The following PXDNL variants were observed in gnomAD, a reference collection of about 807,000 sequenced individuals.
PXDNL encodes peroxidasin like.
A neutral mutation model predicts 150.8 loss-of-function variants in PXDNL; 145 were observed. The observed-to-expected ratio is 0.96, with a 90% CI of 0.84 to 1.10. The LOEUF is 1.10. Ranked by LOEUF, PXDNL falls within the 50% of genes least tolerant of loss-of-function variation. The pLI, the probability that PXDNL is intolerant of heterozygous loss-of-function variation, is 0.00. For missense variants in PXDNL, 2,087 were observed against 1,873.9 expected (o/e 1.11, Z -2.10); for synonymous variants, 757 against 725.7 (o/e 1.04, Z -0.69).
At chr8:51,480,367 C>T (rs745673105) in intron 6 of PXDNL, among the ~76,000 whole-genome samples, 9 of 152,054 alleles carry the variant, frequency 5.9e-5, no homozygotes, top group African/African-American at 1.9e-4. Flanking sequence ...TTACTCATGG[C>T]GGAAGGAGGA....
intron 20 of PXDNL, among the ~76,000 whole-genome samples, chr8:51,341,114 G>C (rs1037566422): frequency 6.6e-6 from 1 of 152,224 alleles, no homozygotes; most frequent in Admixed American, 6.5e-5. Flanking sequence ...TGCTCAGGTA[G>C]ATGGGTGCAG....
At chr8:51,671,584 G>A (rs1815500056) in intron 1 of PXDNL, among the ~76,000 whole-genome samples, 2 of 152,108 alleles carry the variant, frequency 1.3e-5, no homozygotes, top group African/African-American at 4.8e-5. Context: ...TTTACTTACA[G>A]TAAACCGGAA....
chr8:51,456,446 C>T (rs1231853020), intron 9 of PXDNL, among the ~76,000 whole-genome samples: 1 of 152,216 alleles, frequency 6.6e-6, no homozygotes, highest in Non-Finnish European at 1.5e-5. Context: ...TCCGAGGCTG[C>T]TGCTTCAAGT....
chr8:51,603,916 T>A (rs1813782370), intron 2 of PXDNL, among the ~76,000 whole-genome samples: 1 of 152,144 alleles, frequency 6.6e-6, no homozygotes, highest in Admixed American at 6.6e-5. Context: ...GCTCATGCTT[T>A]CTCTTACCAC....
chr8:51,588,574 ATC>A (rs1813376797), intron 3 of PXDNL, among the ~76,000 whole-genome samples: 1 of 152,240 alleles, frequency 6.6e-6, no homozygotes, highest in African/African-American at 2.4e-5. Flanking sequence ...AACATTGAAC[ATC>A]TGTCTTATTC....
At chr8:51,522,088 C>A (rs1257792687) in intron 4 of PXDNL, among the ~76,000 whole-genome samples, 1 of 152,096 alleles carries the variant, frequency 6.6e-6, no homozygotes, top group Non-Finnish European at 1.5e-5. Flanking sequence ...AGAGAATAAT[C>A]TTTTATTTTT....
intron 9 of PXDNL, among the ~76,000 whole-genome samples, chr8:51,455,688 C>A (rs901215507): frequency 2.0e-5 from 3 of 152,132 alleles, no homozygotes; most frequent in Admixed American, 2.0e-4. Flanking sequence ...CTCCTGTGTG[C>A]AGGGTCAGAC....
intron 1 of PXDNL, among the ~76,000 whole-genome samples, chr8:51,706,184 G>T (rs562798555): frequency 1.3e-4 from 20 of 152,236 alleles, no homozygotes; most frequent in African/African-American, 4.6e-4. Context: ...GGTGGAGGGT[G>T]TCTGTAATCC....
At chr8:51,424,963 C>T (rs1022850822) in intron 13 of PXDNL, among the ~76,000 whole-genome samples, 8 of 152,158 alleles carry the variant, frequency 5.3e-5, no homozygotes, top group South Asian at 4.1e-4. Context: ...GGTGAGAGGG[C>T]GGATGAGAGA....
intron 21 of PXDNL, among the ~76,000 whole-genome samples, chr8:51,327,282 C>A (rs924447314): frequency 6.6e-6 from 1 of 152,122 alleles, no homozygotes; most frequent in Non-Finnish European, 1.5e-5. Flanking sequence ...TAATCTAGAC[C>A]AAGCCGCTGT....
At chr8:51,633,490 T>A (rs1814535071) in intron 2 of PXDNL, among the ~76,000 whole-genome samples, 2 of 152,140 alleles carry the variant, frequency 1.3e-5, no homozygotes, top group Admixed American at 1.3e-4. Flanking sequence ...GAGACTGAAC[T>A]AATTTACATT....
Position 51,453,687 on chromosome 8 carries a change from T to A in PXDNL, c.1081A>T (p.Ile361Phe). 6.2e-7 allele frequency: 1 copy of A among 1,614,046 alleles called. No homozygotes were observed. Among genetic ancestry groups the A allele is most frequent in the Middle Eastern group, 1.6e-4 (1 of 6,062 alleles). ...AATCCATTGTCCCTGGTCCAAGTGA[T>A]AAGAGGGTGTGGGTGGCCTGTGGCC... ...CMATGHPHPL[I>F]TWTRDNGLEL... The change falls in exon 10 of 23, where the codon ATC becomes TTC. Residue 361 changes from isoleucine to phenylalanine, a missense_variant. Physicochemically the swap from Ile to Phe is conservative, Grantham distance 21. Coordinates refer to ENST00000356297, the MANE Select transcript of PXDNL (RefSeq NM_144651.5).
intron 4 of PXDNL, among the ~76,000 whole-genome samples, chr8:51,506,434 G>A (rs929930144): frequency 4.6e-5 from 7 of 151,162 alleles, no homozygotes; most frequent in Middle Eastern, 3.2e-3. Context: ...CCAGCTACTC[G>A]GGAGGCTGAG....
rs145201568 is a variant in PXDNL at position 51,394,011 on chromosome 8, A to G, written c.3557+14056T>C. 5.9e-5 allele frequency among the ~76,000 whole-genome samples: 9 copies of G among 152,340 alleles called. 1 individual carries two copies. The highest frequency in any genetic ancestry group is 1.0e-4 in the Non-Finnish European group (7 of 68,030). ...GGCTAAAAGCATCAACTTTGGAATCATATAGATTCAGATTAAAACCTGCAT... is the reference window on the plus strand; with the variant it reads ...GGCTAAAAGCATCAACTTTGGAATCGTATAGATTCAGATTAAAACCTGCAT... On this transcript the variant is annotated intron_variant, in intron 17 of 22. Transcript: ENST00000356297.
intron 1 of PXDNL, among the ~76,000 whole-genome samples, chr8:51,780,257 A>G (rs1477497527): frequency 6.6e-6 from 1 of 152,174 alleles, no homozygotes; most frequent in Non-Finnish European, 1.5e-5. Flanking sequence ...GGACCTGCTG[A>G]TTCCAAACAG....
intron 4 of PXDNL, among the ~76,000 whole-genome samples, chr8:51,552,062 A>C (rs976751498): frequency 1.6e-4 from 25 of 152,230 alleles, no homozygotes; most frequent in African/African-American, 6.0e-4. Flanking sequence ...ATGGCCAACA[A>C]ATATATGAAA....
At chr8:51,659,748 T>G (rs1815227833) in intron 1 of PXDNL, among the ~76,000 whole-genome samples, 1 of 152,072 alleles carries the variant, frequency 6.6e-6, no homozygotes, top group Non-Finnish European at 1.5e-5. Flanking sequence ...TTGTCTAAAA[T>G]CCAGAAGTTC....
chr8:51,731,359 T>TCA (rs1252876405), intron 1 of PXDNL, among the ~76,000 whole-genome samples: 5 of 152,240 alleles, frequency 3.3e-5, no homozygotes, highest in Admixed American at 2.0e-4. Context: ...ACTCCATGTC[T>TCA]CACATCCAGG....
At chr8:51,410,606 C>T (rs959600214) in intron 16 of PXDNL, among the ~76,000 whole-genome samples, 3 of 152,018 alleles carry the variant, frequency 2.0e-5, no homozygotes, top group African/African-American at 7.2e-5. Context: ...AAAGGGTAAG[C>T]CAATAGAAAT....
Sources: gnomAD v4.1 joint callset for allele counts (sites outside exome capture counted in the v4.1 genomes callset) on GRCh38, gnomAD v4.1.1 for gene constraint, MANE v1.5 for transcripts, NCBI Gene and HGNC (gene_info 2026-07-23, HGNC 2026-07-21) for gene names.